Variants in EGFLAM observed in about 807,000 individuals in gnomAD.
EGFLAM encodes pikachurin.
A neutral mutation model predicts 113.1 loss-of-function variants in EGFLAM; 79 were observed. That is an observed-to-expected ratio of 0.70 (90% CI 0.58 to 0.84). The LOEUF (loss-of-function observed/expected upper bound fraction) is 0.84. Ranked by LOEUF, EGFLAM falls within the 40% of genes least tolerant of loss-of-function variation. The pLI is 0.00. For missense variants in EGFLAM, 1,265 were observed against 1,291.6 expected, an observed-to-expected ratio of 0.98 and a Z score of 0.32; for synonymous variants, 504 against 487.6, an observed-to-expected ratio of 1.03 and a Z score of -0.44.
intron 3 of EGFLAM, among the ~76,000 whole-genome samples, chr5:38,346,227 A>G (rs1343848904): frequency 6.6e-6 from 1 of 152,236 alleles, no homozygotes; most frequent in African/African-American, 2.4e-5. Context: ...CAGTGGTAAC[A>G]TTTAAATTTC....
rs548454363 is a variant in EGFLAM at position 38,320,279 on chromosome 5, G to T, written c.98-17241G>T. 8.1e-4 allele frequency among the ~76,000 whole-genome samples: 124 copies of T among 152,276 alleles called. No individual in the cohort carries two copies. In the Middle Eastern group the frequency reaches 0.017, roughly 21 times the overall value. Reference sequence around the variant, plus strand: ...AGGCAGCAGTATCAGCATCTCCTCAGAACTTTTTAGAAATGCAAATTCTTG... The same window carrying T: ...AGGCAGCAGTATCAGCATCTCCTCATAACTTTTTAGAAATGCAAATTCTTG... On this transcript the variant is annotated intron_variant, in intron 1 of 21. Coordinates refer to ENST00000322350, the MANE Select transcript of EGFLAM (RefSeq NM_152403.4).
Position 38,442,333 on chromosome 5 carries a change from T to G in EGFLAM, c.2464+3878T>G, listed in dbSNP as rs549848668. 1.3e-3 allele frequency among the ~76,000 whole-genome samples: 198 copies of G among 147,896 alleles called. 1 individual carries two copies. The highest frequency in any genetic ancestry group is 4.7e-3 in the African/African-American group (191 of 40,914). On this transcript the variant is annotated intron_variant, in intron 17 of 21. Coordinates refer to ENST00000322350, the MANE Select transcript of EGFLAM (RefSeq NM_152403.4). ...AATTTTTATATTTAATATCAATATA[T>G]TATTTGATTTAAAATATTAAATTAT...
At chr5:38,290,677 T>C (rs1758303077) in intron 1 of EGFLAM, 1 of 152,322 alleles carries the variant, frequency 6.6e-6, no homozygotes, top group Admixed American at 6.5e-5. Flanking sequence ...GGAGTTCCCT[T>C]TGCCTCTGGC....
intron 1 of EGFLAM, among the ~76,000 whole-genome samples, chr5:38,272,502 A>C (rs544077628): frequency 1.3e-5 from 2 of 152,234 alleles, no homozygotes; most frequent in African/African-American, 2.4e-5. Context: ...CTGTGAGATC[A>C]TAAGTAAAAC....
intron 1 of EGFLAM, among the ~76,000 whole-genome samples, chr5:38,313,129 G>GA (rs1415260483): frequency 6.6e-6 from 1 of 152,088 alleles, no homozygotes; most frequent in Non-Finnish European, 1.5e-5. Context: ...AAAATATACA[G>GA]AAAAGTAGAC....
chr5:38,391,384 TTGTGTG>T (rs758900897), intron 6 of EGFLAM, among the ~76,000 whole-genome samples: 8 of 97,964 alleles, frequency 8.2e-5, no homozygotes, highest in Non-Finnish European at 1.1e-4. Flanking sequence ...TTTCTTTTCT[TTGTGTG>T]TGTGTGTGTG....
intron 16 of EGFLAM, 22 bp downstream of exon 16, chr5:38,435,275 G>A: frequency 6.4e-7 from 1 of 1,557,974 alleles, no homozygotes; most frequent in African/African-American, 1.4e-5. Context: ...TCTTCCTCAT[G>A]TTTACTGGGC....
At chr5:38,417,362 A>AC (rs1014239072) in intron 11 of EGFLAM, among the ~76,000 whole-genome samples, 15 of 147,120 alleles carry the variant, frequency 1.0e-4, no homozygotes, top group African/African-American at 2.9e-4. Context: ...AAAAAAAAAA[A>AC]AAAAAAACAA....
At chr5:38,392,629 T>TGGG (rs36090122) in intron 6 of EGFLAM, among the ~76,000 whole-genome samples, 7 of 148,280 alleles carry the variant, frequency 4.7e-5, no homozygotes, top group East Asian at 1.9e-4. Context: ...TCTTTTTTTT[T>TGGG]GGGGGGGCGG....
intron 1 of EGFLAM, among the ~76,000 whole-genome samples, chr5:38,270,172 A>G (rs541775430): frequency 6.6e-6 from 1 of 152,292 alleles, no homozygotes; most frequent in East Asian, 1.9e-4. Flanking sequence ...CTTATTTTAC[A>G]AAATACTGGA....
intron 12 of EGFLAM, among the ~76,000 whole-genome samples, chr5:38,422,655 T>C (rs1273972693): frequency 6.6e-6 from 1 of 152,216 alleles, no homozygotes; most frequent in African/African-American, 2.4e-5. Flanking sequence ...AACAGAATTA[T>C]TTAATGGTGG....
At chr5:38,386,699 G>T (rs891062903) in intron 6 of EGFLAM, among the ~76,000 whole-genome samples, 4 of 151,990 alleles carry the variant, frequency 2.6e-5, no homozygotes, top group African/African-American at 9.7e-5. Flanking sequence ...TAGAGACGGG[G>T]TTTCACCGTG....
At chr5:38,447,660 G>T (rs1002674183) in intron 17 of EGFLAM, among the ~76,000 whole-genome samples, 2 of 151,766 alleles carry the variant, frequency 1.3e-5, no homozygotes, top group African/African-American at 4.8e-5. Flanking sequence ...AGAGGCTGAT[G>T]CAGGAGGATT....
chr5:38,417,361 A>AC (rs1561080150), intron 11 of EGFLAM, among the ~76,000 whole-genome samples: 2 of 148,928 alleles, frequency 1.3e-5, no homozygotes, highest in African/African-American at 2.5e-5. Flanking sequence ...AAAAAAAAAA[A>AC]AAAAAAAACA....
chr5:38,357,045 ACAG>A (rs1739780475), intron 5 of EGFLAM, among the ~76,000 whole-genome samples: 1 of 152,230 alleles, frequency 6.6e-6, no homozygotes, highest in Non-Finnish European at 1.5e-5. Context: ...ATGTAAGAAC[ACAG>A]TGATAAGATG....
chr5:38,310,723 A>G (rs959421649), intron 1 of EGFLAM, among the ~76,000 whole-genome samples: 3 of 152,178 alleles, frequency 2.0e-5, no homozygotes, highest in African/African-American at 2.4e-5. Context: ...ATTTTTGAAC[A>G]TAACACAAGG....
chr5:38,446,950 T>C (rs1360359902), intron 17 of EGFLAM, among the ~76,000 whole-genome samples: 2 of 152,208 alleles, frequency 1.3e-5, no homozygotes, highest in African/African-American at 2.4e-5. Context: ...GTGTCTTCTT[T>C]GCACCAACCA....
rs368568530 is a variant in EGFLAM, at chr5:38,424,525, A to G, written c.1685-442A>G. 2.9e-4 allele frequency among the ~76,000 whole-genome samples: 44 copies of G among 152,332 alleles called. No homozygotes were observed. The East Asian group carries it at 5.6e-3, about 19-fold the overall frequency. ...GCCTACCTTGCTTGTCTCAACTTTGAACCAACAAGGCAGCAGCACTTAAGC... is the reference window on the plus strand; with the variant it reads ...GCCTACCTTGCTTGTCTCAACTTTGGACCAACAAGGCAGCAGCACTTAAGC... On this transcript the variant is annotated intron_variant, in intron 12 of 21. Coordinates refer to ENST00000322350, the MANE Select transcript of EGFLAM (RefSeq NM_152403.4).
intron 1 of EGFLAM, among the ~76,000 whole-genome samples, chr5:38,324,735 C>G (rs535837792): frequency 1.3e-5 from 2 of 152,272 alleles, no homozygotes; most frequent in South Asian, 4.1e-4. Flanking sequence ...GAAACCGTAT[C>G]TCTTAGGCTC....
Sources: allele counts gnomAD v4.1 joint callset (sites outside exome capture counted in the v4.1 genomes callset), GRCh38; gene constraint gnomAD v4.1.1; transcripts MANE v1.5; gene names NCBI Gene and HGNC (gene_info 2026-07-23, HGNC 2026-07-21).